Variants in CNNM2 observed in about 807,000 individuals in gnomAD.
CNNM2 encodes the protein cyclin and CBS domain divalent metal cation transport mediator 2, also known as metal transporter CNNM2.
CNNM2 carries 12 observed loss-of-function variants against 66.9 expected under a neutral mutation model. That is an observed-to-expected ratio of 0.18 (90% CI 0.11 to 0.29). CNNM2 has a LOEUF of 0.29. CNNM2 is among the 10% of genes least tolerant of loss of function. The pLI is 1.00. For synonymous variants in CNNM2, 557 were observed against 501.8 expected (o/e 1.11, Z -1.47); for missense variants, 705 against 1,167.7 (o/e 0.60, Z 5.77).
intron 1 of CNNM2, chr10:102,921,021 A>C: frequency 1.1e-6 from 1 of 912,784 alleles, no homozygotes; most frequent in Non-Finnish European, 1.3e-6. Flanking sequence ...CATCCGATAC[A>C]TTAAGTTGAA....
intron 4 of CNNM2, among the ~76,000 whole-genome samples, chr10:103,066,588 G>A (rs1467739141): frequency 4.6e-5 from 7 of 152,190 alleles, no homozygotes; most frequent in Non-Finnish European, 7.3e-5. Context: ...GAGCCTGGCC[G>A]GCCGCTGCCG....
At chr10:103,065,688 T>C (rs979221985) in intron 4 of CNNM2, among the ~76,000 whole-genome samples, 1 of 152,210 alleles carries the variant, frequency 6.6e-6, no homozygotes, top group Non-Finnish European at 1.5e-5. Context: ...TGCATTTGAC[T>C]CTTCCTCCTG....
chr10:103,057,575 C>T (rs1007540109), intron 4 of CNNM2, among the ~76,000 whole-genome samples: 1 of 151,908 alleles, frequency 6.6e-6, no homozygotes, highest in Non-Finnish European at 1.5e-5. Context: ...TTTACCAGTA[C>T]ATGTCTGAAT....
At chr10:102,948,978 A>G (rs1846721612) in intron 1 of CNNM2, among the ~76,000 whole-genome samples, 1 of 152,232 alleles carries the variant, frequency 6.6e-6, no homozygotes, top group African/African-American at 2.4e-5. Context: ...TGGCACTGGA[A>G]GCTGTCTGAC....
chr10:102,970,650 G>A (rs2063533205), intron 1 of CNNM2, among the ~76,000 whole-genome samples: 1 of 152,178 alleles, frequency 6.6e-6, no homozygotes, highest in African/African-American at 2.4e-5. Flanking sequence ...GGCTGAAGTA[G>A]AGTGGCTGTT....
intron 1 of CNNM2, among the ~76,000 whole-genome samples, chr10:102,953,677 A>C (rs1846924168): frequency 6.6e-6 from 1 of 152,068 alleles, no homozygotes; most frequent in African/African-American, 2.4e-5. Context: ...CTCCCACCTC[A>C]GCCTGCTGAG....
intron 1 of CNNM2, among the ~76,000 whole-genome samples, chr10:103,005,533 C>T (rs958421204): frequency 8.6e-5 from 13 of 152,026 alleles, no homozygotes; most frequent in Non-Finnish European, 1.5e-5. Context: ...CCTGTAATCA[C>T]AGCTACATAG....
chr10:103,021,728 C>T lies in CNNM2; in HGVS notation c.1622-27979C>T, dbSNP rs1288433760. ...CATCCGGGTTAAAGGGCAACATTGT[C>T]GGTGTTCTCCTTTTTCTATGGACTC... On this transcript the variant is annotated intron_variant, in intron 1 of 7. Transcript: ENST00000369878. Among the ~76,000 whole-genome samples, 7 of 150,848 alleles carry T rather than the reference C, an allele frequency of 4.6e-5. No homozygotes were observed. The East Asian group carries it at 7.7e-4, about 17-fold the overall frequency.
intron 1 of CNNM2, among the ~76,000 whole-genome samples, chr10:103,040,188 C>T (rs1428778305): frequency 6.6e-6 from 1 of 151,560 alleles, no homozygotes; most frequent in Admixed American, 6.6e-5. Flanking sequence ...AAGACAGATG[C>T]CTTAAGAGAA....
At chr10:103,045,335 G>A (rs2065109665) in intron 1 of CNNM2, among the ~76,000 whole-genome samples, 1 of 152,084 alleles carries the variant, frequency 6.6e-6, no homozygotes, top group Non-Finnish European at 1.5e-5. Flanking sequence ...ATGCCTAATT[G>A]TCTAACAATC....
intron 4 of CNNM2, 197 bp from the exon 5 acceptor site, chr10:103,068,432 T>C: frequency 1.7e-6 from 1 of 584,750 alleles, no homozygotes; most frequent in South Asian, 2.3e-5. Flanking sequence ...CTCTGTATAA[T>C]CAGCCAAATC....
intron 1 of CNNM2, among the ~76,000 whole-genome samples, chr10:102,944,581 CGTGTGTGTGTGTGTGT>C (rs148795286): frequency 2.1e-5 from 3 of 143,378 alleles, no homozygotes; most frequent in Non-Finnish European, 3.0e-5. Flanking sequence ...TGTATCTTTT[CGTGTGTGTGTGTGTGT>C]GTGTGTGTGT....
At chr10:102,980,112 C>T (rs933633818) in intron 1 of CNNM2, among the ~76,000 whole-genome samples, 5 of 151,916 alleles carry the variant, frequency 3.3e-5, no homozygotes, top group African/African-American at 4.8e-5. Context: ...ACAAGTGTTT[C>T]GCCATGTTGG....
chr10:102,973,922 A>G (rs541497611), intron 1 of CNNM2, among the ~76,000 whole-genome samples: 2 of 149,368 alleles, frequency 1.3e-5, no homozygotes, highest in South Asian at 4.3e-4. Flanking sequence ...TTTGAAACCC[A>G]CCTATCCTTT....
chr10:102,936,820 G>A (rs1332322704), intron 1 of CNNM2, among the ~76,000 whole-genome samples: 1 of 152,282 alleles, frequency 6.6e-6, no homozygotes, highest in South Asian at 2.1e-4. Context: ...TTTAAAGCAT[G>A]TATTTTGTAA....
chr10:103,085,740 CA>C lies in CNNM2; in HGVS notation c.*8562del. 1 of 152,126 alleles carries C rather than the reference CA, an allele frequency of 6.6e-6. No individual in the cohort carries two copies. The highest frequency in any genetic ancestry group is 1.9e-4 in the East Asian group (1 of 5,194). 9.4% of individuals were successfully genotyped at this position (152,126 alleles called of 1,614,324 possible). ...AAGTTTGAGATGAAATGTTTGTGTT[CA>C]ATGGGGAGTACTTTTTTGTGTTAAA... is the stretch of plus-strand genomic sequence containing the variant. On this transcript the variant is annotated 3_prime_UTR_variant, in exon 8 of 8. Coordinates refer to ENST00000369878, the MANE Select transcript of CNNM2 (RefSeq NM_017649.5).
intron 1 of CNNM2, among the ~76,000 whole-genome samples, chr10:102,974,080 AC>A (rs1474713526): frequency 5.3e-5 from 8 of 152,192 alleles, no homozygotes; most frequent in Non-Finnish European, 8.8e-5. Context: ...ACTAGGTAAT[AC>A]AGTTTCCTCT....
At chr10:103,007,681 T>C (rs1367353755) in intron 1 of CNNM2, among the ~76,000 whole-genome samples, 2 of 152,214 alleles carry the variant, frequency 1.3e-5, no homozygotes, top group Non-Finnish European at 2.9e-5. Flanking sequence ...TCAGACCTTA[T>C]GGTTGTCTTC....
chr10:102,989,605 C>T (rs1366822546), intron 1 of CNNM2, among the ~76,000 whole-genome samples: 1 of 151,898 alleles, frequency 6.6e-6, no homozygotes, highest in Non-Finnish European at 1.5e-5. Flanking sequence ...GAGTTCGAGA[C>T]CAGCCTGGCC....
Sources: allele counts gnomAD v4.1 joint callset (sites outside exome capture counted in the v4.1 genomes callset), GRCh38; gene constraint gnomAD v4.1.1; transcripts MANE v1.5; gene names NCBI Gene and HGNC (gene_info 2026-07-23, HGNC 2026-07-21).